The following PRIM2 variants were observed in gnomAD, a reference collection of about 807,000 sequenced individuals.
PRIM2 encodes the protein DNA primase subunit 2.
PRIM2 carries 39 observed loss-of-function variants against 67.3 expected under a neutral mutation model. The observed-to-expected ratio is 0.58, with a 90% CI of 0.45 to 0.76. PRIM2 has a LOEUF of 0.76. PRIM2 is among the 30% of genes least tolerant of loss of function. The probability of loss-of-function intolerance (pLI) is 0.00; values close to 1 mark genes in which losing one functional copy is unlikely to be tolerated. For synonymous variants in PRIM2, 143 were observed against 198.7 expected (o/e 0.72, Z 2.36); for missense variants, 398 against 598.7 (o/e 0.66, Z 3.50).
At chr6:57,477,152 A>G (rs1773495595) in intron 7 of PRIM2, among the ~76,000 whole-genome samples, 1 of 151,914 alleles carries the variant, frequency 6.6e-6, no homozygotes, top group Non-Finnish European at 1.5e-5. Context: ...CACCATGCCC[A>G]GCTGATTTTT....
chr6:57,492,636 T>C lies in PRIM2; in HGVS notation c.694-14751T>C, dbSNP rs1773924404. Among the ~76,000 whole-genome samples the C allele has an allele frequency of 2.6e-5, 4 of 152,324 alleles. 1 individual carries two copies. Among genetic ancestry groups the C allele is most frequent in the Admixed American group, 1.3e-4 (2 of 15,298 alleles). On this transcript the variant is annotated intron_variant, in intron 7 of 13. Coordinates refer to ENST00000615550, the MANE Select transcript of PRIM2 (RefSeq NM_000947.5). ...TATTGCAAATATTGTCATTTTGATA[T>C]ATAATTAGTATACAAAGTTATTGAG...
At chr6:57,239,029 C>T in the PRIM2 span, among the ~76,000 whole-genome samples, 2 of 151,758 alleles carry the variant, frequency 1.3e-5, no homozygotes, top group Admixed American at 6.6e-5. Flanking sequence ...CTCACTCTGT[C>T]GTCCAGGCTG....
chr6:57,401,513 C>G (rs1306005774), intron 7 of PRIM2, among the ~76,000 whole-genome samples: 3 of 152,088 alleles, frequency 2.0e-5, no homozygotes, highest in Non-Finnish European at 2.9e-5. Flanking sequence ...AGCCATGTTC[C>G]CTCTTAATGT....
chr6:57,282,680 G>A, the PRIM2 span, among the ~76,000 whole-genome samples: 1 of 152,172 alleles, frequency 6.6e-6, no homozygotes, highest in African/African-American at 2.4e-5. Flanking sequence ...TTAGGACTCA[G>A]ACACACACAG....
At chr6:57,624,907 G>A (rs1776921266) in intron 12 of PRIM2, among the ~76,000 whole-genome samples, 1 of 152,178 alleles carries the variant, frequency 6.6e-6, no homozygotes, top group African/African-American at 2.4e-5. Flanking sequence ...TCACAATCAT[G>A]GTGGAAGGTG....
At chr6:57,508,093 C>T (rs1554347378) in intron 8 of PRIM2, among the ~76,000 whole-genome samples, 3,389 of 152,122 alleles carry the variant, frequency 0.022, 110 homozygotes, top group South Asian at 0.072. Context: ...TGGGGCACCT[C>T]GCCTGTTTCA....
intron 5 of PRIM2, among the ~76,000 whole-genome samples, chr6:57,373,761 T>G (rs1224519366): frequency 6.6e-6 from 1 of 152,174 alleles, no homozygotes; most frequent in African/African-American, 2.4e-5. Context: ...GTTGTAGGCA[T>G]GCAGTCTTAC....
intron 10 of PRIM2, among the ~76,000 whole-genome samples, chr6:57,547,327 C>T (rs1462664066): frequency 1.2e-4 from 19 of 152,074 alleles, no homozygotes; most frequent in East Asian, 1.2e-3. Flanking sequence ...TTTTGTGCTG[C>T]GACGTCATCT....
intron 7 of PRIM2, among the ~76,000 whole-genome samples, chr6:57,466,965 CA>C (rs1445593673): frequency 1.3e-5 from 2 of 152,170 alleles, no homozygotes; most frequent in East Asian, 3.9e-4. Flanking sequence ...ACCTAAAATA[CA>C]AAATTAGCCA....
intron 3 of PRIM2, among the ~76,000 whole-genome samples, chr6:57,321,597 G>A (rs1379540710): frequency 6.8e-6 from 1 of 146,156 alleles, no homozygotes; most frequent in South Asian, 2.2e-4. Flanking sequence ...AGTAGGAGAT[G>A]AACCAGGATA....
intron 7 of PRIM2, among the ~76,000 whole-genome samples, chr6:57,455,623 G>C (rs1252708615): frequency 4.6e-5 from 7 of 151,678 alleles, no homozygotes; most frequent in Non-Finnish European, 7.4e-5. Flanking sequence ...GCCTTTTTTT[G>C]TTTTCCATTT....
chr6:57,494,476 C>T (rs1554346227), intron 7 of PRIM2, among the ~76,000 whole-genome samples: 23 of 152,088 alleles, frequency 1.5e-4, no homozygotes, highest in African/African-American at 2.4e-4. Context: ...ATCTACTTTT[C>T]GTAAGAAAGG....
chr6:57,335,896 T>C (rs1201091517), intron 5 of PRIM2, among the ~76,000 whole-genome samples: 2 of 152,094 alleles, frequency 1.3e-5, no homozygotes, highest in East Asian at 1.9e-4. Context: ...AGGCTTCAGA[T>C]GATCAAATTA....
At chr6:57,514,694 A>G (rs1261485942) in intron 8 of PRIM2, among the ~76,000 whole-genome samples, 3 of 152,024 alleles carry the variant, frequency 2.0e-5, no homozygotes, top group Non-Finnish European at 2.9e-5. Flanking sequence ...GCCTTCTTAG[A>G]GGTATACTTG....
chr6:57,261,597 G>A, the PRIM2 span, among the ~76,000 whole-genome samples: 1 of 152,146 alleles, frequency 6.6e-6, no homozygotes, highest in Non-Finnish European at 1.5e-5. Context: ...GCTCTCCATG[G>A]CAATGTCTTC....
chr6:57,597,153 A>T (rs1776380993), intron 10 of PRIM2, among the ~76,000 whole-genome samples: 1 of 152,098 alleles, frequency 6.6e-6, no homozygotes, highest in Non-Finnish European at 1.5e-5. Context: ...AAATACAAAA[A>T]TAAATTCCAT....
At position 57,373,360 on chromosome 6, in the gene PRIM2, G is replaced by T. The variant is rs562181082; in HGVS notation, c.460-6541G>T. Among the ~76,000 whole-genome samples, 1,425 of 151,070 alleles carry T rather than the reference G, an allele frequency of 9.4e-3. 9 individuals are homozygous for T. The highest frequency in any genetic ancestry group is 0.016 in the Non-Finnish European group (1,064 of 67,854). ...TATAGATACTGGATATTAGACCTTT[G>T]TCAGATGTATAGATTGCAAAAATTT... On this transcript the variant is annotated intron_variant, in intron 5 of 13. Transcript: ENST00000615550.
chr6:57,524,656 G>A (rs1209449407), intron 8 of PRIM2, among the ~76,000 whole-genome samples: 4 of 151,908 alleles, frequency 2.6e-5, no homozygotes, highest in South Asian at 2.1e-4. Flanking sequence ...AGCCGAGATC[G>A]TACCATTGCA....
At chr6:57,537,881 T>C (rs1775032084) in intron 10 of PRIM2, among the ~76,000 whole-genome samples, 1 of 152,246 alleles carries the variant, frequency 6.6e-6, no homozygotes, top group Non-Finnish European at 1.5e-5. Flanking sequence ...TTCAGAGTTA[T>C]ATATCTGTAG....
Sources: gnomAD v4.1 joint callset for allele counts (sites outside exome capture counted in the v4.1 genomes callset) on GRCh38, gnomAD v4.1.1 for gene constraint, MANE v1.5 for transcripts, NCBI Gene and HGNC (gene_info 2026-07-23, HGNC 2026-07-21) for gene names.